Variants in CSMD3 observed in about 807,000 individuals in gnomAD.
CSMD3 encodes CUB and sushi domain-containing protein 3.
Under a neutral mutation model 435.2 loss-of-function variants are expected in CSMD3, and 177 were observed. That is an observed-to-expected ratio of 0.41 (90% confidence interval 0.36 to 0.46). The LOEUF is 0.46. Among genes scored for constraint, CSMD3 ranks in the 20% least tolerant of loss-of-function variants. The pLI, the probability that CSMD3 is intolerant of heterozygous loss-of-function variation, is 0.34. For missense variants in CSMD3, 4,265 were observed against 4,504.6 expected (o/e 0.95, Z 1.52); for synonymous variants, 1,656 against 1,520.5 (o/e 1.09, Z -2.07).
At chr8:113,222,798 C>T (rs950845580) in intron 3 of CSMD3, among the ~76,000 whole-genome samples, 1 of 150,790 alleles carries the variant, frequency 6.6e-6, no homozygotes, top group African/African-American at 2.4e-5. Context: ...ATAATGATTC[C>T]CATGGCTTTA....
intron 2 of CSMD3, among the ~76,000 whole-genome samples, chr8:113,300,700 G>A (rs573140887): frequency 6.6e-6 from 1 of 152,112 alleles, no homozygotes; most frequent in Admixed American, 6.6e-5. Context: ...AGGGGAAGGA[G>A]GGTGGGAATA....
At position 113,118,865 on chromosome 8, in the gene CSMD3, G is replaced by A. The variant is rs1381997761; in HGVS notation, c.710-19902C>T. 2.0e-5 allele frequency among the ~76,000 whole-genome samples: 3 copies of A among 152,064 alleles called. No individual in the cohort carries two copies. In the South Asian group the frequency reaches 6.2e-4, roughly 32 times the overall value. ...ATTGCCGCAGCAGGGGATTGAGAAG[G>A]CACTCTCAGTCGCATAGATTTCATT... is the stretch of plus-strand genomic sequence containing the variant. On this transcript the variant is annotated intron_variant, in intron 4 of 70. Coordinates refer to ENST00000297405, the MANE Select transcript of CSMD3 (RefSeq NM_198123.2).
At chr8:113,161,054 T>C (rs529916324) in intron 4 of CSMD3, among the ~76,000 whole-genome samples, 2 of 152,248 alleles carry the variant, frequency 1.3e-5, no homozygotes, top group South Asian at 4.1e-4. Flanking sequence ...AAATTCATAC[T>C]AGTTACTAAG....
At position 113,362,104 on chromosome 8, in the gene CSMD3, T is replaced by C. The variant is rs903833946; in HGVS notation, c.179-47311A>G. Among the ~76,000 whole-genome samples the C allele has an allele frequency of 2.6e-5, 4 of 152,156 alleles. 1 individual carries two copies. Among genetic ancestry groups the C allele is most frequent in the Admixed American group, 2.6e-4 (4 of 15,274 alleles). On this transcript the variant is annotated intron_variant, in intron 1 of 70. Coordinates refer to ENST00000297405, the MANE Select transcript of CSMD3 (RefSeq NM_198123.2). The stretch of plus-strand genomic sequence containing the variant: ...GTAGCTAAAGTTGATAAGGATTTAT[T>C]TGAAGTTGAACTTGCATTGAACATA...
intron 63 of CSMD3, among the ~76,000 whole-genome samples, chr8:112,250,685 AT>A (rs554489823): frequency 1.3e-5 from 2 of 151,622 alleles, no homozygotes; most frequent in African/African-American, 2.4e-5. Context: ...CTTATGTACA[AT>A]TTTTTCACCA....
chr8:112,728,457 T>C (rs772652000), intron 13 of CSMD3, among the ~76,000 whole-genome samples: 1 of 151,970 alleles, frequency 6.6e-6, no homozygotes, highest in Admixed American at 6.6e-5. Context: ...CAAAACTTCC[T>C]CCTATATTTC....
intron 45 of CSMD3, among the ~76,000 whole-genome samples, chr8:112,324,602 T>TGTGTG (rs1823322110): frequency 4.0e-5 from 6 of 151,332 alleles, no homozygotes; most frequent in South Asian, 2.1e-4. Context: ...TGTGTGTGTG[T>TGTGTG]TTTCTGGAGA....
At chr8:112,761,833 T>C (rs1245543097) in intron 13 of CSMD3, among the ~76,000 whole-genome samples, 1 of 152,042 alleles carries the variant, frequency 6.6e-6, no homozygotes, top group Non-Finnish European at 1.5e-5. Context: ...TATGTGCATG[T>C]GTATGTAAGT....
At chr8:113,283,253 G>C (rs1264386220) in intron 2 of CSMD3, among the ~76,000 whole-genome samples, 2 of 151,976 alleles carry the variant, frequency 1.3e-5, no homozygotes, top group Non-Finnish European at 2.9e-5. Flanking sequence ...ATAAACTACA[G>C]AGCTTTTGCA....
At chr8:112,759,361 C>T (rs1304756207) in intron 13 of CSMD3, among the ~76,000 whole-genome samples, 2 of 151,980 alleles carry the variant, frequency 1.3e-5, no homozygotes, top group Non-Finnish European at 2.9e-5. Context: ...TAATATGCTT[C>T]AAAAATTCTC....
At chr8:112,311,224 AG>A (rs2130816391) in intron 49 of CSMD3, 58 bp from the exon 50 acceptor site, 1 of 1,390,242 alleles carries the variant, frequency 7.2e-7, no homozygotes, top group East Asian at 2.3e-5. Flanking sequence ...TATTACCCAA[AG>A]TGATAAACAC....
intron 32 of CSMD3, among the ~76,000 whole-genome samples, chr8:112,412,003 CTCTATGCA>C (rs1257715638): frequency 6.6e-6 from 1 of 152,020 alleles, no homozygotes; most frequent in Non-Finnish European, 1.5e-5. Context: ...TTTATTTTGT[CTCTATGCA>C]TCTATTTGTT....
chr8:112,826,362 T>C (rs991729507), intron 12 of CSMD3, among the ~76,000 whole-genome samples: 6 of 152,166 alleles, frequency 3.9e-5, no homozygotes, highest in Non-Finnish European at 8.8e-5. Flanking sequence ...TGGCCACCCC[T>C]TCCCCTGAGA....
intron 3 of CSMD3, among the ~76,000 whole-genome samples, chr8:113,236,423 G>C (rs139201731): frequency 3.0e-3 from 462 of 152,256 alleles, no homozygotes; most frequent in Non-Finnish European, 4.8e-3. Context: ...TCAAGAACCT[G>C]AACTGGCCTA....
intron 1 of CSMD3, among the ~76,000 whole-genome samples, chr8:113,398,974 T>C (rs1250021939): frequency 6.6e-6 from 1 of 150,686 alleles, no homozygotes; most frequent in Non-Finnish European, 1.5e-5. Context: ...ATCTCAAAAA[T>C]TGTCTTGTGC....
At chr8:112,627,003 A>G (rs1308936103) in intron 22 of CSMD3, among the ~76,000 whole-genome samples, 2 of 152,148 alleles carry the variant, frequency 1.3e-5, no homozygotes, top group Admixed American at 1.3e-4. Flanking sequence ...AACCTAGCAT[A>G]CAGTAAACAC....
At chr8:112,244,326 T>C (rs1814477122) in intron 65 of CSMD3, 68 bp downstream of exon 65, 1 of 1,356,800 alleles carries the variant, frequency 7.4e-7, no homozygotes, top group African/African-American at 1.4e-5. Context: ...AGTTGAGTTT[T>C]TGTCTGGAGC....
chr8:113,418,394 A>T (rs1236611106), intron 1 of CSMD3, among the ~76,000 whole-genome samples: 1 of 152,148 alleles, frequency 6.6e-6, no homozygotes, highest in Non-Finnish European at 1.5e-5. Context: ...GAATCTTCTA[A>T]TAAGACTGAG....
intron 2 of CSMD3, among the ~76,000 whole-genome samples, chr8:113,287,871 C>G (rs1287508601): frequency 6.6e-6 from 1 of 151,922 alleles, no homozygotes; most frequent in African/African-American, 2.4e-5. Flanking sequence ...TGAAGGCTAT[C>G]TTTGACCATC....
Sources: allele counts gnomAD v4.1 joint callset (sites outside exome capture counted in the v4.1 genomes callset), GRCh38; gene constraint gnomAD v4.1.1; transcripts MANE v1.5; gene names NCBI Gene and HGNC (gene_info 2026-07-23, HGNC 2026-07-21).